The following CTNNA3 variants were observed in gnomAD, a reference collection of about 807,000 sequenced individuals.
The protein encoded by CTNNA3 is catenin alpha 3, also known as catenin alpha-3.
A neutral mutation model predicts 95.7 loss-of-function variants in CTNNA3; 76 were observed. The observed-to-expected ratio is 0.79, with a 90% CI of 0.66 to 0.96. The LOEUF is 0.96. Ranked by LOEUF, CTNNA3 falls within the 40% of genes least tolerant of loss-of-function variation. The pLI is 0.00. For synonymous variants in CTNNA3, 431 were observed against 374.4 expected (o/e 1.15, Z -1.74); for missense variants, 1,191 against 1,089.8 (o/e 1.09, Z -1.31).
intron 9 of CTNNA3, among the ~76,000 whole-genome samples, chr10:66,714,073 G>A (rs780751692): frequency 1.5e-4 from 23 of 152,060 alleles, no homozygotes; most frequent in Non-Finnish European, 2.9e-4. Flanking sequence ...AAAGGCTTGA[G>A]GCACTCTCCA....
intron 11 of CTNNA3, among the ~76,000 whole-genome samples, chr10:66,519,225 T>A (rs1840969372): frequency 6.6e-6 from 1 of 152,168 alleles, no homozygotes; most frequent in Non-Finnish European, 1.5e-5. Flanking sequence ...AAACTTGAAT[T>A]ATGCTTCTGA....
chr10:66,939,630 G>A (rs889546578), intron 7 of CTNNA3, among the ~76,000 whole-genome samples: 4 of 152,066 alleles, frequency 2.6e-5, no homozygotes, highest in Non-Finnish European at 4.4e-5. Context: ...AATTTGTAAG[G>A]TAGGGCAGAC....
intron 5 of CTNNA3, among the ~76,000 whole-genome samples, chr10:67,358,416 C>T (rs905586469): frequency 3.3e-5 from 5 of 152,234 alleles, no homozygotes; most frequent in Admixed American, 6.5e-5. Context: ...TAAACCATCA[C>T]ACTTTGCACA....
chr10:66,782,918 C>A (rs1840597912), intron 7 of CTNNA3, among the ~76,000 whole-genome samples: 1 of 152,070 alleles, frequency 6.6e-6, no homozygotes, highest in Non-Finnish European at 1.5e-5. Flanking sequence ...AATGGGGTTT[C>A]TAAAATAAGC....
At chr10:66,984,883 C>A (rs571748291) in intron 7 of CTNNA3, among the ~76,000 whole-genome samples, 1 of 152,130 alleles carries the variant, frequency 6.6e-6, no homozygotes, top group South Asian at 2.1e-4. Context: ...ACATTTTTTG[C>A]TCTGTTTTGG....
intron 9 of CTNNA3, among the ~76,000 whole-genome samples, chr10:66,678,186 T>C (rs2394291): frequency 0.55 from 84,195 of 151,942 alleles, 24,070 homozygotes; most frequent in African/African-American, 0.68. Flanking sequence ...AGGATAAAAA[T>C]GAGGGAAAGC....
At chr10:67,155,599 T>G (rs1861279216) in intron 7 of CTNNA3, among the ~76,000 whole-genome samples, 1 of 152,048 alleles carries the variant, frequency 6.6e-6, no homozygotes, top group Non-Finnish European at 1.5e-5. Flanking sequence ...TTATGTACAT[T>G]GGGATATGTT....
At chr10:67,361,579 A>T (rs1348539394) in intron 5 of CTNNA3, among the ~76,000 whole-genome samples, 1 of 152,178 alleles carries the variant, frequency 6.6e-6, no homozygotes, top group African/African-American at 2.4e-5. Flanking sequence ...AATTAATGAA[A>T]ACAGAGATAC....
chr10:66,665,183 T>TA (rs1490874494), intron 9 of CTNNA3, among the ~76,000 whole-genome samples: 1 of 149,970 alleles, frequency 6.7e-6, no homozygotes, highest in Non-Finnish European at 1.5e-5. Flanking sequence ...CTATTTCATA[T>TA]AAATTTTCTG....
At chr10:67,569,960 T>C (rs1168658985) in intron 3 of CTNNA3, among the ~76,000 whole-genome samples, 1 of 152,108 alleles carries the variant, frequency 6.6e-6, no homozygotes, top group Admixed American at 6.6e-5. Flanking sequence ...TCCTTTTCAT[T>C]AGTTCTTTCT....
At chr10:66,389,680 T>C (rs1410487078) in intron 11 of CTNNA3, among the ~76,000 whole-genome samples, 1 of 151,308 alleles carries the variant, frequency 6.6e-6, no homozygotes, top group Non-Finnish European at 1.5e-5. Flanking sequence ...ATTTTTAAAA[T>C]TATAATTTTT....
At chr10:65,929,571 C>CT (rs1273919265) in intron 17 of CTNNA3, among the ~76,000 whole-genome samples, 4,621 of 143,138 alleles carry the variant, frequency 0.032, 104 homozygotes, top group Non-Finnish European at 0.049. Flanking sequence ...TTCTTTCTTT[C>CT]TTTTTTTTTT....
chr10:67,604,135 T>A (rs1293254753), intron 3 of CTNNA3, among the ~76,000 whole-genome samples: 1 of 152,212 alleles, frequency 6.6e-6, no homozygotes, highest in African/African-American at 2.4e-5. Flanking sequence ...CCATCTAAGT[T>A]TGTGTAAGTA....
At chr10:67,066,326 G>A (rs1359559616) in intron 7 of CTNNA3, among the ~76,000 whole-genome samples, 1 of 150,782 alleles carries the variant, frequency 6.6e-6, no homozygotes, top group Admixed American at 6.6e-5. Flanking sequence ...CCAAGTAACT[G>A]GGACTACAGG....
chr10:66,262,044 T>C (rs2091019171), intron 13 of CTNNA3, among the ~76,000 whole-genome samples: 1 of 151,996 alleles, frequency 6.6e-6, no homozygotes, highest in Middle Eastern at 3.2e-3. Context: ...ATATTGACTT[T>C]TTGCACATAT....
At chr10:66,219,673 C>A (rs1032219061) in intron 13 of CTNNA3, among the ~76,000 whole-genome samples, 71 of 151,910 alleles carry the variant, frequency 4.7e-4, no homozygotes, top group African/African-American at 1.4e-3. Flanking sequence ...TCGATTGAAA[C>A]CTCATGAGAC....
At chr10:66,424,543 C>A (rs895435243) in intron 11 of CTNNA3, among the ~76,000 whole-genome samples, 20 of 151,796 alleles carry the variant, frequency 1.3e-4, no homozygotes, top group African/African-American at 4.3e-4. Context: ...ATTATTTTTT[C>A]TTTTACATAT....
intron 5 of CTNNA3, among the ~76,000 whole-genome samples, chr10:67,247,269 C>T (rs1230935309): frequency 2.0e-5 from 3 of 152,056 alleles, no homozygotes; most frequent in Non-Finnish European, 2.9e-5. Flanking sequence ...GTACACTCCC[C>T]GCTGAAAACA....
At chr10:65,927,220 A>G (rs1387131739) in intron 17 of CTNNA3, among the ~76,000 whole-genome samples, 1 of 152,174 alleles carries the variant, frequency 6.6e-6, no homozygotes, top group African/African-American at 2.4e-5. Flanking sequence ...TTTTTCTAGT[A>G]AATGAGGACT....
Sources: allele counts gnomAD v4.1 joint callset (sites outside exome capture counted in the v4.1 genomes callset), GRCh38; gene constraint gnomAD v4.1.1; transcripts MANE v1.5; gene names NCBI Gene and HGNC (gene_info 2026-07-23, HGNC 2026-07-21).